Variants in NUP133 observed in about 807,000 individuals in gnomAD.
NUP133 encodes the protein nucleoporin 133, also known as nuclear pore complex protein Nup133.
A neutral mutation model predicts 146.2 loss-of-function variants in NUP133; 66 were observed. The observed-to-expected ratio is 0.45, with a 90% CI of 0.37 to 0.55. The LOEUF is 0.55. Ranked by LOEUF, NUP133 falls within the 20% of genes least tolerant of loss-of-function variation. The pLI is 0.00. For missense variants in NUP133, 1,277 were observed against 1,374.8 expected (o/e 0.93, Z 1.12); for synonymous variants, 521 against 498.8 (o/e 1.04, Z -0.59).
At chr1:229,447,833 G>A (rs992225312) in intron 24 of NUP133, among the ~76,000 whole-genome samples, 9 of 152,254 alleles carry the variant, frequency 5.9e-5, no homozygotes, top group South Asian at 2.1e-4. Context: ...TTTCAGATGC[G>A]TTAGAATCAG....
chr1:229,472,418 T>C (rs1464863221), intron 14 of NUP133, among the ~76,000 whole-genome samples: 1 of 150,878 alleles, frequency 6.6e-6, no homozygotes, highest in Non-Finnish European at 1.5e-5. Context: ...AGTGAAGCAA[T>C]GGCTCTAGAT....
At chr1:229,448,084 AGTTT>A (rs1277909016) in intron 24 of NUP133, among the ~76,000 whole-genome samples, 3 of 152,248 alleles carry the variant, frequency 2.0e-5, no homozygotes, top group Non-Finnish European at 1.5e-5. Flanking sequence ...GCACCACAAT[AGTTT>A]ACAAAGACTG....
intron 12 of NUP133, among the ~76,000 whole-genome samples, chr1:229,482,119 A>C (rs368703725): frequency 7.4e-4 from 113 of 152,356 alleles, no homozygotes; most frequent in African/African-American, 2.5e-3. Context: ...AAAGAACAAG[A>C]TTAAAAGAAT....
chr1:229,484,071 G>A lies in NUP133; in HGVS notation c.1575C>T (p.Ala525=), dbSNP rs1378769977. ...TGTTATACCTGCAGTATTGCAGAAA[G>A]GCAGCTTTCAGCAACTTGATTTTAT... is the stretch of plus-strand genomic sequence containing the variant. ...QEDKIKLLKA[A]FLQYCRKDLG... Residue 525 remains alanine, a synonymous_variant, in exon 12 of 26, where the codon GCC becomes GCT. Coordinates refer to ENST00000261396, the MANE Select transcript of NUP133 (RefSeq NM_018230.3). 1 of 1,611,930 alleles carries A rather than the reference G, an allele frequency of 6.2e-7. No individual in the cohort carries two copies. Among genetic ancestry groups the A allele is most frequent in the South Asian group, 1.1e-5 (1 of 90,972 alleles).
chr1:229,464,145 A>C (rs1257054858), intron 18 of NUP133, among the ~76,000 whole-genome samples: 4 of 152,070 alleles, frequency 2.6e-5, no homozygotes, highest in Non-Finnish European at 5.9e-5. Flanking sequence ...GCTCTGTCTC[A>C]ACAAAAAAAA....
intron 8 of NUP133, 82 bp from the exon 9 acceptor site, chr1:229,490,184 T>C (rs1308598706): frequency 2.0e-5 from 25 of 1,243,746 alleles, no homozygotes; most frequent in Admixed American, 6.7e-5. Context: ...TATGCTTCCA[T>C]ATAACTTAGC....
At chr1:229,490,555 G>A (rs1478954651) in intron 8 of NUP133, among the ~76,000 whole-genome samples, 1 of 152,148 alleles carries the variant, frequency 6.6e-6, no homozygotes, top group East Asian at 1.9e-4. Flanking sequence ...TGATCTCCAG[G>A]GGCTAGAGGA....
intron 24 of NUP133, 134 bp from the exon 25 acceptor site, chr1:229,445,136 A>G: frequency 1.5e-6 from 1 of 658,532 alleles, no homozygotes; most frequent in Non-Finnish European, 2.6e-6. Context: ...ACTGTTTCAA[A>G]TCATTTAAAT....
intron 7 of NUP133, 118 bp from the exon 8 acceptor site, chr1:229,495,683 T>C (rs1558107068): frequency 5.6e-6 from 5 of 888,416 alleles, no homozygotes; most frequent in Non-Finnish European, 8.5e-6. Context: ...GAATAATGTA[T>C]ACATTAAAAA....
Position 229,443,319 on chromosome 1 carries a change from C to T in NUP133, c.3335-1279G>A, listed in dbSNP as rs554304854. Reference sequence around the variant, plus strand: ...CCTCCCAAAGTGCTGGGATTACAGGCGTGAGCTACCGTGCCTGGCAAAATA... The same window carrying T: ...CCTCCCAAAGTGCTGGGATTACAGGTGTGAGCTACCGTGCCTGGCAAAATA... On this transcript the variant is annotated intron_variant, in intron 25 of 25. Coordinates refer to ENST00000261396, the MANE Select transcript of NUP133 (RefSeq NM_018230.3). 1.5e-4 allele frequency among the ~76,000 whole-genome samples: 23 copies of T among 151,960 alleles called. No homozygotes were observed. In the South Asian group the frequency reaches 4.6e-3, roughly 30 times the overall value.
intron 21 of NUP133, among the ~76,000 whole-genome samples, 187 bp downstream of exon 21, chr1:229,457,974 T>C (rs1255816465): frequency 1.3e-5 from 2 of 152,192 alleles, no homozygotes; most frequent in Non-Finnish European, 2.9e-5. Flanking sequence ...AAATACAAAC[T>C]ACTTTTCTCT....
chr1:229,485,730 C>A (rs1661332139), intron 11 of NUP133, among the ~76,000 whole-genome samples: 1 of 152,062 alleles, frequency 6.6e-6, no homozygotes, highest in Non-Finnish European at 1.5e-5. Context: ...CAGAATAAAT[C>A]ACTAAAAGGC....
In NUP133 at chr1:229,480,773, G is replaced by A. The variant is rs1465400835; in HGVS notation, c.1593-3013C>T. On this transcript the variant is annotated intron_variant, in intron 12 of 25. Coordinates refer to ENST00000261396, the MANE Select transcript of NUP133 (RefSeq NM_018230.3). ...GGGATCTCGGCTCACTACAACCTCC[G>A]CCACCTGGGTTCAAGCGATTCTCCT... Among the ~76,000 whole-genome samples, 4 of 151,770 alleles carry A rather than the reference G, an allele frequency of 2.6e-5. No individual in the cohort carries two copies. In the East Asian group the frequency reaches 5.8e-4, roughly 22 times the overall value.
chr1:229,504,954 G>A (rs1437250886), intron 2 of NUP133, among the ~76,000 whole-genome samples: 1 of 152,066 alleles, frequency 6.6e-6, no homozygotes, highest in Non-Finnish European at 1.5e-5. Context: ...CATGGCCCAG[G>A]GACACGTGTG....
At chr1:229,460,576 T>C in intron 20 of NUP133, 35 bp downstream of exon 20, 7 of 1,570,944 alleles carry the variant, frequency 4.5e-6, no homozygotes, top group Non-Finnish European at 6.0e-6. Flanking sequence ...CTAAATAAAT[T>C]GCACACATCT....
At chr1:229,449,300 T>TGA (rs1660387307) in intron 23 of NUP133, 110 bp from the exon 24 acceptor site, 1 of 656,666 alleles carries the variant, frequency 1.5e-6, no homozygotes, top group Admixed American at 2.8e-5. Flanking sequence ...TTAATATCTA[T>TGA]GAATTACTTT....
At chr1:229,450,400 G>T in intron 23 of NUP133, 125 bp downstream of exon 23, 1 of 494,410 alleles carries the variant, frequency 2.0e-6, no homozygotes. Flanking sequence ...AAGGATTAAA[G>T]GTAGTTGAAC....
intron 15 of NUP133, among the ~76,000 whole-genome samples, 166 bp from the exon 16 acceptor site, chr1:229,466,922 A>G (rs1660839054): frequency 1.3e-5 from 2 of 152,262 alleles, no homozygotes; most frequent in South Asian, 4.1e-4. Context: ...GAAAAGTCAC[A>G]TCTCCTAACT....
intron 10 of NUP133, among the ~76,000 whole-genome samples, chr1:229,487,056 A>C (rs951414292): frequency 3.9e-5 from 6 of 151,992 alleles, no homozygotes; most frequent in Non-Finnish European, 8.8e-5. Flanking sequence ...CCTTCAGCTA[A>C]GTATCTGCTT....
Sources: gnomAD v4.1 joint callset for allele counts (sites outside exome capture counted in the v4.1 genomes callset) on GRCh38, gnomAD v4.1.1 for gene constraint, MANE v1.5 for transcripts, NCBI Gene and HGNC (gene_info 2026-07-23, HGNC 2026-07-21) for gene names.